Variants in LY75 observed in about 807,000 individuals in gnomAD.
LY75 encodes the protein C-type lectin domain family 13 member B.
Under a neutral mutation model 231.7 loss-of-function variants are expected in LY75, and 185 were observed. The observed-to-expected ratio is 0.80, with a 90% CI of 0.71 to 0.90. The LOEUF is 0.90. Ranked by LOEUF, LY75 falls within the 40% of genes least tolerant of loss-of-function variation. The pLI is 0.00. For missense variants in LY75, 1,947 were observed against 2,050.2 expected (o/e 0.95, Z 0.97); for synonymous variants, 668 against 689.0 (o/e 0.97, Z 0.48).
At position 159,853,624 on chromosome 2, in the gene LY75, A is replaced by G. The variant is rs1574560015; in HGVS notation, c.2663+6T>C. On this transcript the variant is annotated splice_donor_region_variant and intron_variant, in intron 19 of 34. Coordinates refer to ENST00000263636, the MANE Select transcript of LY75 (RefSeq NM_002349.4). ...TTACAAAGGTAGAATCAATGATGTC[A>G]CCTACTATGTAAAATGATCATCTAT... 1 of 1,613,386 alleles carries G rather than the reference A, an allele frequency of 6.2e-7. No homozygotes were observed. The highest frequency in any genetic ancestry group is 2.2e-5 in the East Asian group (1 of 44,786).
At chr2:159,844,443 T>C (rs986742409) in intron 23 of LY75, among the ~76,000 whole-genome samples, 3 of 151,998 alleles carry the variant, frequency 2.0e-5, no homozygotes, top group Non-Finnish European at 2.9e-5. Flanking sequence ...GAATGCTATA[T>C]CTTAAACCAA....
intron 16 of LY75, among the ~76,000 whole-genome samples, chr2:159,857,238 C>T (rs1279484149): frequency 2.6e-5 from 4 of 152,136 alleles, no homozygotes; most frequent in African/African-American, 9.7e-5. Context: ...TTTGCTACTA[C>T]CTGATGTCAC....
intron 33 of LY75, 110 bp downstream of exon 33, chr2:159,808,339 A>G (rs965484762): frequency 1.3e-6 from 2 of 1,568,378 alleles, no homozygotes; most frequent in African/African-American, 2.7e-5. Context: ...ATTTATCCAG[A>G]AGAGGCATCT....
At chr2:159,860,925 G>A (rs1299794011) in intron 14 of LY75, 36 bp from the exon 15 acceptor site, 2 of 1,611,706 alleles carry the variant, frequency 1.2e-6, no homozygotes, top group Admixed American at 3.3e-5. Flanking sequence ...ATTTAAGACT[G>A]ATGTATAAAT....
chr2:159,858,584 A>C (rs1362479106), intron 15 of LY75, 108 bp from the exon 16 acceptor site: 2 of 1,245,074 alleles, frequency 1.6e-6, no homozygotes, highest in Non-Finnish European at 1.1e-6. Flanking sequence ...CTAGCACCTA[A>C]GATATTTGTT....
chr2:159,866,047 G>GGT (rs1192865401), intron 13 of LY75, among the ~76,000 whole-genome samples: 1 of 152,038 alleles, frequency 6.6e-6, no homozygotes, highest in African/African-American at 2.4e-5. Context: ...GTTGGTACAT[G>GGT]GTATGTATGA....
chr2:159,838,701 A>G (rs539628745), intron 25 of LY75, among the ~76,000 whole-genome samples: 8 of 152,352 alleles, frequency 5.3e-5, no homozygotes, highest in African/African-American at 1.7e-4. Context: ...TAAAGCAAGT[A>G]AATGCAATGC....
chr2:159,849,532 T>TG (rs1218593867), intron 23 of LY75, among the ~76,000 whole-genome samples: 1 of 152,186 alleles, frequency 6.6e-6, no homozygotes, highest in African/African-American at 2.4e-5. Flanking sequence ...CACTACATGA[T>TG]GGTTTTATAT....
At position 159,882,007 on chromosome 2, in the gene LY75, T is replaced by C. The variant is rs1463091806; in HGVS notation, c.1246+117A>G. 7 of 1,249,392 alleles carry C rather than the reference T, an allele frequency of 5.6e-6. No homozygotes were observed. The Admixed American group carries it at 1.9e-4, about 33-fold the overall frequency. 77.4% of individuals were successfully genotyped at this position (1,249,392 alleles called of 1,614,324 possible). On this transcript the variant is annotated intron_variant, in intron 7 of 34. Coordinates refer to ENST00000263636, the MANE Select transcript of LY75 (RefSeq NM_002349.4). The stretch of plus-strand genomic sequence containing the variant: ...TTCCATCACCAGAGACAATCCTATC[T>C]GACAGGGCTGATCTGTGGGATCAAA...
intron 7 of LY75, 70 bp downstream of exon 7, chr2:159,882,054 A>T (rs567093433): frequency 1.3e-6 from 2 of 1,521,888 alleles, no homozygotes. Flanking sequence ...TCATTCCCAC[A>T]AAGAGTCTAA....
chr2:159,843,386 A>G (rs1476881128), intron 23 of LY75, among the ~76,000 whole-genome samples: 1 of 152,146 alleles, frequency 6.6e-6, no homozygotes, highest in Non-Finnish European at 1.5e-5. Context: ...AATTAAATAG[A>G]CAACTTTCTT....
intron 24 of LY75, among the ~76,000 whole-genome samples, chr2:159,842,019 TC>T (rs1368339351): frequency 6.6e-6 from 1 of 152,082 alleles, no homozygotes; most frequent in African/African-American, 2.4e-5. Flanking sequence ...TAATATAAAT[TC>T]TTTTATAGTA....
intron 23 of LY75, among the ~76,000 whole-genome samples, chr2:159,847,794 G>A (rs192247452): frequency 4.6e-5 from 7 of 151,956 alleles, no homozygotes; most frequent in African/African-American, 1.5e-4. Context: ...GGTAATCAGA[G>A]CTTTATATTA....
At chr2:159,887,566 C>CCAAAAAAAAA (rs1685629662) in intron 4 of LY75, among the ~76,000 whole-genome samples, 1 of 103,828 alleles carries the variant, frequency 9.6e-6, no homozygotes, top group Admixed American at 9.8e-5. Flanking sequence ...TCAACAACAA[C>CCAAAAAAAAA]AAAAAAAAAA....
chr2:159,808,716 G>A, intron 32 of LY75, 145 bp from the exon 33 acceptor site: 11 of 1,191,250 alleles, frequency 9.2e-6, no homozygotes, highest in South Asian at 5.4e-5. Context: ...TTTAAAAACT[G>A]GTATTTAGGT....
chr2:159,889,851 T>A (rs890926745), intron 4 of LY75, among the ~76,000 whole-genome samples: 2 of 152,178 alleles, frequency 1.3e-5, no homozygotes, highest in African/African-American at 4.8e-5. Context: ...GGCCATCTAG[T>A]GTAACTTAAC....
intron 24 of LY75, among the ~76,000 whole-genome samples, chr2:159,841,492 T>C (rs537289631): frequency 4.6e-5 from 7 of 152,328 alleles, no homozygotes; most frequent in African/African-American, 7.2e-5. Context: ...GTTCTCATTA[T>C]ATGACAAAAT....
At chr2:159,854,636 TTACCGGCCC>T in intron 17 of LY75, 101 bp from the exon 18 acceptor site, 2 of 1,378,040 alleles carry the variant, frequency 1.5e-6, no homozygotes, top group Non-Finnish European at 2.0e-6. Context: ...GTAATTCAGA[TTACCGGCCC>T]TCTCTGGCTG....
chr2:159,877,009 C>CA (rs58831835), intron 11 of LY75, among the ~76,000 whole-genome samples: 7,121 of 90,190 alleles, frequency 0.079, 421 homozygotes, highest in East Asian at 0.19. Context: ...AACTCCATCT[C>CA]AAAAAAAAAA....
Sources: gnomAD v4.1 joint callset for allele counts (sites outside exome capture counted in the v4.1 genomes callset) on GRCh38, gnomAD v4.1.1 for gene constraint, MANE v1.5 for transcripts, NCBI Gene and HGNC (gene_info 2026-07-23, HGNC 2026-07-21) for gene names.